Variants in SNX25 observed in about 807,000 individuals in gnomAD.
SNX25 encodes the protein sorting nexin 25.
A neutral mutation model predicts 113.7 loss-of-function variants in SNX25; 62 were observed. That is an observed-to-expected ratio of 0.55 (90% confidence interval 0.44 to 0.67). The LOEUF is 0.67. SNX25 is among the 30% of genes least tolerant of loss of function. The pLI is 0.00. For missense variants in SNX25, 1,014 were observed against 1,161.0 expected (o/e 0.87, Z 1.84); for synonymous variants, 421 against 436.2 (o/e 0.97, Z 0.43).
At chr4:185,288,149 A>G (rs1238077631) in intron 6 of SNX25, 67 bp downstream of exon 6, 15 of 1,283,402 alleles carry the variant, frequency 1.2e-5, no homozygotes, top group Admixed American at 2.0e-5. Context: ...GCCTTCTCCC[A>G]CCTGTCAGAT....
chr4:185,366,266 T>C (rs2095387810), downstream of SNX25: 1 of 152,222 alleles, frequency 6.6e-6, no homozygotes, highest in African/African-American at 2.4e-5. Context: ...CAATATTTAA[T>C]TGTAGTTCTT....
intron 2 of SNX25, among the ~76,000 whole-genome samples, chr4:185,255,410 A>T (rs1335864338): frequency 6.6e-6 from 1 of 152,210 alleles, no homozygotes. Flanking sequence ...CTGGGATTAC[A>T]GATGTAAGCC....
At chr4:185,369,847 AT>A in exon 12 of SNX25, 1 of 409,822 alleles carries the variant, frequency 2.4e-6, no homozygotes, top group Admixed American at 3.0e-5. Context: ...TCCTCGGGTG[AT>A]TTTAACATGC....
intron 2 of SNX25, among the ~76,000 whole-genome samples, chr4:185,255,422 C>T (rs187301524): frequency 3.9e-5 from 6 of 152,226 alleles, no homozygotes; most frequent in Admixed American, 3.9e-4. Context: ...ATGTAAGCCA[C>T]CACACCCAGC....
chr4:185,276,424 A>G (rs1749686108), intron 5 of SNX25, among the ~76,000 whole-genome samples: 1 of 152,178 alleles, frequency 6.6e-6, no homozygotes, highest in East Asian at 1.9e-4. Context: ...AAATAACAAC[A>G]CTCTTCCTCC....
chr4:185,219,282 G>A (rs1739402110), intron 1 of SNX25, among the ~76,000 whole-genome samples: 1 of 152,148 alleles, frequency 6.6e-6, no homozygotes, highest in African/African-American at 2.4e-5. Context: ...TTTTTGGGCT[G>A]GGTGCAGTGG....
At chr4:185,302,048 C>T (rs1360130207) in intron 6 of SNX25, among the ~76,000 whole-genome samples, 1 of 151,438 alleles carries the variant, frequency 6.6e-6, no homozygotes, top group Non-Finnish European at 1.5e-5. Flanking sequence ...TACAGGTGCC[C>T]GTCACCACAT....
At chr4:185,216,664 C>T (rs568980087) in intron 1 of SNX25, among the ~76,000 whole-genome samples, 94 of 151,762 alleles carry the variant, frequency 6.2e-4, no homozygotes, top group Non-Finnish European at 1.3e-3. Context: ...GGATGATAGG[C>T]GCCCGCCACC....
the SNX25 span, chr4:185,378,152 G>A: frequency 3.7e-6 from 6 of 1,613,926 alleles, no homozygotes; most frequent in South Asian, 1.1e-5. Context: ...GGCATAAAAG[G>A]GGTTCTTGGG....
chr4:185,269,143 C>T (rs898929388), intron 5 of SNX25, among the ~76,000 whole-genome samples: 3 of 152,090 alleles, frequency 2.0e-5, no homozygotes, highest in Non-Finnish European at 2.9e-5. Flanking sequence ...CAGGTTACAT[C>T]CACTCAAGTC....
At chr4:185,350,303 C>G (rs901924041) in intron 13 of SNX25, among the ~76,000 whole-genome samples, 14 of 152,244 alleles carry the variant, frequency 9.2e-5, no homozygotes, top group African/African-American at 3.4e-4. Flanking sequence ...CCACCTCCCC[C>G]ACACTCTGTC....
intron 1 of SNX25, among the ~76,000 whole-genome samples, chr4:185,240,922 C>G (rs551603089): frequency 6.6e-6 from 1 of 150,812 alleles, no homozygotes; most frequent in Admixed American, 6.6e-5. Flanking sequence ...AGACGATGGG[C>G]GGCCTGGCAG....
intron 1 of SNX25, among the ~76,000 whole-genome samples, chr4:185,216,518 T>G (rs994538649): frequency 6.9e-6 from 1 of 145,780 alleles, no homozygotes; most frequent in Non-Finnish European, 1.5e-5. Context: ...ATTTGGTTTT[T>G]TTTTTTTTTT....
chr4:185,366,980 C>A (rs2095390069), downstream of SNX25: 1 of 522,692 alleles, frequency 1.9e-6, no homozygotes. Context: ...GAGGACTCTT[C>A]CAGCAATTTG....
Position 185,212,491 on chromosome 4 carries a change from G to GTTTTTTTGTTT in SNX25, c.429+2243_429+2244insGTTTTTTTTTT, listed in dbSNP as rs1738064369. On this transcript the variant is annotated intron_variant, in intron 1 of 18. Transcript: ENST00000652585. ...TGTGTGTGTGTGTGTGTGTGTGTGT[G>GTTTTTTTGTTT]TTTTTTTTTTTTTTTGCTTTGAGAC... Among the ~76,000 whole-genome samples the GTTTTTTTGTTT allele has an allele frequency of 5.7e-5, 6 of 104,934 alleles. 1 individual carries two copies. The highest frequency in any genetic ancestry group is 5.4e-4 in the East Asian group (2 of 3,714). The allele number at this position is 104,934 out of a possible 152,430, so 68.8% of individuals were successfully genotyped here.
intron 1 of SNX25, among the ~76,000 whole-genome samples, chr4:185,222,553 G>T (rs182527822): frequency 1.3e-5 from 2 of 152,130 alleles, no homozygotes; most frequent in African/African-American, 4.8e-5. Context: ...CCCCTTCGTG[G>T]TAGCTATACA....
In SNX25 at chr4:185,288,027, G is replaced by A; in HGVS notation, c.1107G>A (p.Val369=). 6.2e-7 allele frequency: 1 copy of A among 1,612,102 alleles called. No homozygotes were observed. Among genetic ancestry groups the A allele is most frequent in the Non-Finnish European group, 8.5e-7 (1 of 1,179,084 alleles). ...TAAAAATCAGGTATCAAATTGTAGT[G>A]GAAATAATCCAGGCGACTACAATTA... is the stretch of plus-strand genomic sequence containing the variant. ...FLKQLRYQIV[V]EIIQATTISS... The change falls in exon 6 of 19, where the codon GTG becomes GTA. Residue 369 remains valine, a synonymous_variant. Coordinates refer to ENST00000652585, the MANE Select transcript of SNX25 (RefSeq NM_001378034.2).
Position 185,248,620 on chromosome 4 carries a change from T to A in SNX25, c.514+1242T>A, listed in dbSNP as rs1234454202. On this transcript the variant is annotated intron_variant, in intron 2 of 18. Coordinates refer to ENST00000652585, the MANE Select transcript of SNX25 (RefSeq NM_001378034.2). Reference sequence around the variant, plus strand: ...GTGAGCCTAGATTGCACCACCGCACTCCAGCCTGGGCAACACAATGAGACT... The same window carrying A: ...GTGAGCCTAGATTGCACCACCGCACACCAGCCTGGGCAACACAATGAGACT... Among the ~76,000 whole-genome samples the A allele has an allele frequency of 2.6e-5, 4 of 152,264 alleles. No individual in the cohort carries two copies. The South Asian group carries it at 8.3e-4, about 32-fold the overall frequency.
upstream of SNX25, among the ~76,000 whole-genome samples, chr4:185,206,721 A>C (rs1737205928): frequency 6.6e-6 from 1 of 151,966 alleles, no homozygotes; most frequent in Non-Finnish European, 1.5e-5. Flanking sequence ...GAAAGACAGA[A>C]CCAAAAGGAT....
Sources: gnomAD v4.1 joint callset for allele counts (sites outside exome capture counted in the v4.1 genomes callset) on GRCh38, gnomAD v4.1.1 for gene constraint, MANE v1.5 for transcripts, NCBI Gene and HGNC (gene_info 2026-07-23, HGNC 2026-07-21) for gene names.